The following CPEB1 variants were observed in gnomAD, a reference collection of about 807,000 sequenced individuals.
CPEB1 encodes cytoplasmic polyadenylation element-binding protein 1.
CPEB1 carries 7 observed loss-of-function variants against 65.8 expected under a neutral mutation model. The observed-to-expected ratio is 0.11, with a 90% CI of 0.06 to 0.20. The LOEUF (loss-of-function observed/expected upper bound fraction) is 0.20, where lower values mean the gene tolerates loss of function less well. CPEB1 is among the 10% of genes least tolerant of loss of function. The pLI is 1.00. For synonymous variants in CPEB1, 262 were observed against 260.0 expected (o/e 1.01, Z -0.08); for missense variants, 551 against 712.2 (o/e 0.77, Z 2.58).
At chr15:82,611,575 A>C in intron 3 of CPEB1, among the ~76,000 whole-genome samples, 1 of 151,766 alleles carries the variant, frequency 6.6e-6, no homozygotes, top group African/African-American at 2.4e-5. Context: ...TGGCCAACAT[A>C]GCAAGACCCC....
At chr15:82,573,161 G>A in intron 3 of CPEB1, 3 of 1,534,862 alleles carry the variant, frequency 2.0e-6, no homozygotes, top group South Asian at 1.2e-5. Flanking sequence ...AGAACTTCCT[G>A]CAGTACACCC....
Position 82,628,369 on chromosome 15 carries a change from G to A in CPEB1, c.91C>T (p.Pro31Ser), listed in dbSNP as rs996964265. The A allele has an allele frequency of 4.3e-6, 3 of 702,768 alleles. No individual in the cohort carries two copies. Among genetic ancestry groups the A allele is most frequent in the Admixed American group, 4.0e-5 (2 of 50,000 alleles). The allele number at this position is 702,768 out of a possible 1,614,324, so 43.5% of individuals were successfully genotyped here. ...AAATCCAAGAGTTAACATACCAGAG[G>A]AATTAGCAGAAGACAATCTGATAGA... Reference protein sequence around the residue: ...SSLSDCLLLIPLEEEAGRIKD... With the variant: ...SSLSDCLLLISLEEEAGRIKD... Residue 31 changes from proline to serine, a missense_variant, in exon 2 of 13, where the codon CCT becomes TCT. Around this residue, in one of 6 missense-constraint regions of CPEB1, gnomAD observed 223 missense variants for 228.6 expected, o/e 0.98. Coordinates refer to ENST00000684509, the MANE Select transcript of CPEB1 (RefSeq NM_001365242.1).
chr15:82,605,469 G>C (rs994296166), intron 3 of CPEB1, among the ~76,000 whole-genome samples: 4 of 152,070 alleles, frequency 2.6e-5, no homozygotes, highest in African/African-American at 9.7e-5. Context: ...CCATTGTATA[G>C]AATGACGGTA....
chr15:82,573,092 C>T, intron 3 of CPEB1: 6 of 1,535,624 alleles, frequency 3.9e-6, no homozygotes, highest in South Asian at 1.2e-5. Flanking sequence ...GAAGCATGCC[C>T]ACCTGGGACC....
At chr15:82,637,355 G>C (rs1457695098) in intron 1 of CPEB1, among the ~76,000 whole-genome samples, 1 of 152,094 alleles carries the variant, frequency 6.6e-6, no homozygotes, top group African/African-American at 2.4e-5. Flanking sequence ...TATTTAAAAA[G>C]CAATTTTGGA....
intron 3 of CPEB1, among the ~76,000 whole-genome samples, chr15:82,589,242 G>T (rs572897351): frequency 6.6e-6 from 1 of 152,350 alleles, no homozygotes; most frequent in East Asian, 1.9e-4. Flanking sequence ...AGGCCCTGCT[G>T]TTTGTTCTGC....
chr15:82,592,830 AC>A (rs2042367545), intron 3 of CPEB1, among the ~76,000 whole-genome samples: 1 of 151,956 alleles, frequency 6.6e-6, no homozygotes, highest in Non-Finnish European at 1.5e-5. Context: ...CCCTGTCTCT[AC>A]TAAAAATACA....
intron 3 of CPEB1, among the ~76,000 whole-genome samples, chr15:82,590,209 C>CAAAAAAAAAAAAAAAAAAA (rs5814120): frequency 9.6e-6 from 1 of 104,156 alleles, no homozygotes. Flanking sequence ...ATCCCTTTGA[C>CAAAAAAAAAAAAAAAAAAA]AAAAAAAAAA....
Position 82,549,827 on chromosome 15 carries a change from C to A in CPEB1, c.1282-169G>T, listed in dbSNP as rs774115606. ...GCACACAGGCGTCCAATAAACCACC[C>A]TGACTCCACCCCAACTGGAGTTGAA... On this transcript the variant is annotated intron_variant, in intron 9 of 12. Coordinates refer to ENST00000684509, the MANE Select transcript of CPEB1 (RefSeq NM_001365242.1). Among the ~76,000 whole-genome samples, 6 of 152,192 alleles carry A rather than the reference C, an allele frequency of 3.9e-5. 1 individual carries two copies. Among genetic ancestry groups the A allele is most frequent in the Admixed American group, 6.5e-5 (1 of 15,284 alleles).
intron 10 of CPEB1, among the ~76,000 whole-genome samples, chr15:82,549,022 C>T (rs2035786185): frequency 6.6e-6 from 1 of 152,256 alleles, no homozygotes. Flanking sequence ...CTGACTCACT[C>T]AGAAAGTCCT....
At chr15:82,613,193 A>G (rs890480848) in intron 3 of CPEB1, among the ~76,000 whole-genome samples, 1 of 152,216 alleles carries the variant, frequency 6.6e-6, no homozygotes, top group Non-Finnish European at 1.5e-5. Flanking sequence ...CAAACAATAT[A>G]CTAAATAAAA....
intron 3 of CPEB1, among the ~76,000 whole-genome samples, chr15:82,620,515 G>T (rs1159342106): frequency 1.3e-5 from 2 of 152,052 alleles, no homozygotes; most frequent in Admixed American, 1.3e-4. Flanking sequence ...AAGTCAGCAT[G>T]AACTGGGTGT....
At chr15:82,611,515 G>C (rs1047892330) in intron 3 of CPEB1, among the ~76,000 whole-genome samples, 4 of 151,862 alleles carry the variant, frequency 2.6e-5, no homozygotes, top group Non-Finnish European at 5.9e-5. Context: ...TCAACGCTTT[G>C]GGAGGCTGAG....
At chr15:82,625,936 T>C (rs976326822) in intron 3 of CPEB1, among the ~76,000 whole-genome samples, 15 of 150,976 alleles carry the variant, frequency 9.9e-5, no homozygotes, top group African/African-American at 2.4e-4. Context: ...CTGGCCAACA[T>C]GGCGAAACCC....
intron 3 of CPEB1, among the ~76,000 whole-genome samples, chr15:82,589,506 G>C (rs2042052772): frequency 6.6e-6 from 1 of 152,210 alleles, no homozygotes; most frequent in Non-Finnish European, 1.5e-5. Context: ...CACTTTGGGA[G>C]GCAGAGGCGG....
At chr15:82,545,034 A>G (rs2034919661) in intron 12 of CPEB1, among the ~76,000 whole-genome samples, 1 of 152,204 alleles carries the variant, frequency 6.6e-6, no homozygotes. Context: ...GAGTAGTTGT[A>G]TCACATGGCT....
intron 3 of CPEB1, among the ~76,000 whole-genome samples, chr15:82,624,360 A>C (rs966216320): frequency 1.3e-5 from 2 of 152,162 alleles, no homozygotes; most frequent in African/African-American, 4.8e-5. Flanking sequence ...TTGTCTTAAC[A>C]TCTGAGCCCC....
At chr15:82,628,319 G>C (rs2045948598) in intron 2 of CPEB1, 45 bp downstream of exon 2, 2 of 702,318 alleles carry the variant, frequency 2.8e-6, no homozygotes, top group Non-Finnish European at 5.2e-6. Flanking sequence ...TGGGAGTGAA[G>C]ATTTCCAAGA....
intron 3 of CPEB1, among the ~76,000 whole-genome samples, chr15:82,589,412 T>C (rs1372770649): frequency 6.6e-6 from 1 of 152,182 alleles, no homozygotes; most frequent in Non-Finnish European, 1.5e-5. Flanking sequence ...TCATTCCTTA[T>C]CACATCCCAT....
Sources: allele counts gnomAD v4.1 joint callset (sites outside exome capture counted in the v4.1 genomes callset), GRCh38; gene constraint gnomAD v4.1.1; regional missense constraint gnomAD v4.1.1; transcripts MANE v1.5; gene names NCBI Gene and HGNC (gene_info 2026-07-23, HGNC 2026-07-21).